Variants in SMPD2 observed in about 807,000 individuals in gnomAD.
SMPD2 encodes N-SMase.
SMPD2 carries 35 observed loss-of-function variants against 41.7 expected under a neutral mutation model. The observed-to-expected ratio is 0.84, with a 90% CI of 0.64 to 1.11. SMPD2 has a LOEUF of 1.11. Ranked by LOEUF, SMPD2 falls within the 50% of genes most tolerant of loss-of-function variation. SMPD2 has a pLI of 0.00. For synonymous variants in SMPD2, 201 were observed against 208.2 expected (o/e 0.97, Z 0.30); for missense variants, 520 against 524.8 (o/e 0.99, Z 0.09).
chr6:109,443,732 T>C lies in SMPD2; in HGVS notation c.1099T>C (p.Trp367Arg), dbSNP rs1775064463. 6.2e-7 allele frequency: 1 copy of C among 1,613,802 alleles called. No homozygotes were observed. The highest frequency in any genetic ancestry group is 8.5e-7 in the Non-Finnish European group (1 of 1,179,914). The change falls in exon 10 of 10, where the codon TGG becomes CGG. Residue 367 changes from tryptophan (W) to arginine (R), a missense_variant. Coordinates refer to ENST00000258052, the MANE Select transcript of SMPD2 (RefSeq NM_003080.3). ...GACCCCCAGTGTAGGGCTGGTGCTG[T>C]GGGCAGGTGCATTCTACCTCTTCCA... ...LWTPSVGLVL[W>R]AGAFYLFHVQ...
rs769472432 is a variant in SMPD2 at position 109,442,022 on chromosome 6, G to A, written c.273G>A (p.Gln91=). ...GTGTCTTCTCCAAACATCCAATCCA[G>A]GAGCTTACCCAGCACATCTACACTC... The part of the protein sequence containing the change: ...GLCVFSKHPI[Q]ELTQHIYTLN... The change falls in exon 4 of 10, where the codon CAG becomes CAA. Residue 91 remains glutamine (Q), a synonymous_variant. Coordinates refer to ENST00000258052, the MANE Select transcript of SMPD2 (RefSeq NM_003080.3). 1.2e-5 allele frequency: 19 copies of A among 1,613,702 alleles called. No individual in the cohort carries two copies. In the South Asian group the frequency reaches 2.0e-4, roughly 17 times the overall value.
chr6:109,441,194 G>C (rs762398333), intron 1 of SMPD2, 23 bp downstream of exon 1: 3 of 1,613,854 alleles, frequency 1.9e-6, no homozygotes, highest in East Asian at 2.2e-5. Flanking sequence ...GCGGAGTGCG[G>C]TCTGGGGGCC....
chr6:109,443,595 G>A lies in SMPD2; in HGVS notation c.962G>A (p.Arg321His), dbSNP rs555352630. The A allele has an allele frequency of 3.1e-6, 5 of 1,613,890 alleles. No individual in the cohort carries two copies. Among genetic ancestry groups the A allele is most frequent in the South Asian group, 2.2e-5 (2 of 91,086 alleles). The change falls in exon 10 of 10, where the codon CGC (arginine) becomes CAC (histidine). Residue 321 changes from arginine (R) to histidine (H), a missense_variant. Transcript: ENST00000258052. ...CTGGGTCTGGGCATGGCTCAGGCTC[G>A]CTGGTGGGCCACCTTCGCTAGCTAT... ...TELGLGMAQA[R>H]WWATFASYVI...
chr6:109,443,286 T>C lies in SMPD2; in HGVS notation c.749T>C (p.Ile250Thr), dbSNP rs1554224273. The C allele has an allele frequency of 6.2e-7, 1 of 1,614,128 alleles. No individual in the cohort carries two copies. Among genetic ancestry groups the C allele is most frequent in the Non-Finnish European group, 8.5e-7 (1 of 1,180,000 alleles). ...TCCTAGGCAGTTTCTGGGTTTTACA[T>C]CTCCTGTAAGAGTTTTGAAACCACT... ...VLYKAVSGFY[I>T]SCKSFETTTG... Residue 250 changes from isoleucine to threonine, a missense_variant, in exon 9 of 10, where the codon ATC (isoleucine) becomes ACC (threonine). Coordinates refer to ENST00000258052, the MANE Select transcript of SMPD2 (RefSeq NM_003080.3).
Position 109,443,422 on chromosome 6 carries a change from T to C in SMPD2, c.883+2T>C. Reference sequence around the variant, plus strand: ...AGCAGAACCCCAGCTCTACCCACGGTGAGTCACCCCCACCCTTTCCTTGGC... The same window carrying C: ...AGCAGAACCCCAGCTCTACCCACGGCGAGTCACCCCCACCCTTTCCTTGGC... On this transcript the variant is annotated splice_donor_variant, in intron 9 of 9. Transcript: ENST00000258052. LOFTEE classifies it high-confidence loss of function. The C allele has an allele frequency of 6.2e-7, 1 of 1,613,576 alleles. No individual in the cohort carries two copies. Among genetic ancestry groups the C allele is most frequent in the Non-Finnish European group, 8.5e-7 (1 of 1,179,634 alleles).
rs376653763 is a variant in SMPD2 at position 109,441,922 on chromosome 6, G to A, written c.225-52G>A. 1,140 of 1,500,982 alleles carry A rather than the reference G, an allele frequency of 7.6e-4. 1 individual carries two copies. The highest frequency in any genetic ancestry group is 1.0e-3 in the Non-Finnish European group (1,074 of 1,076,750). The allele number at this position is 1,500,982 out of a possible 1,614,324, so 93.0% of individuals were successfully genotyped here. A position where few individuals can be genotyped will look rare whatever the true frequency, so the allele number is the denominator to read the frequency against. ...CTGGAAGACAAGGGAGGGGAAGAAGGCTGGGTGTCTCTCCCTGTTTTTCTG... is the reference window on the plus strand; with the variant it reads ...CTGGAAGACAAGGGAGGGGAAGAAGACTGGGTGTCTCTCCCTGTTTTTCTG... On this transcript the variant is annotated intron_variant, in intron 3 of 9. Coordinates refer to ENST00000258052, the MANE Select transcript of SMPD2 (RefSeq NM_003080.3).
Position 109,440,856 on chromosome 6 carries a change from G to A in SMPD2, c.-266G>A, listed in dbSNP as rs936634172. The A allele has an allele frequency of 7.8e-6, 4 of 510,370 alleles. No homozygotes were observed. Among genetic ancestry groups the A allele is most frequent in the Admixed American group, 7.8e-5 (2 of 25,494 alleles). The allele number at this position is 510,370 out of a possible 1,614,324, so 31.6% of individuals were successfully genotyped here. A position where few individuals can be genotyped will look rare whatever the true frequency, so the allele number is the denominator to read the frequency against. ...CCGGACCCCCAGGGTCCTAGCGCGC[G>A]GCCCTTACCGAGCCTGGGCGCCCGG... On this transcript the variant is annotated 5_prime_UTR_variant, in exon 1 of 10. Coordinates refer to ENST00000258052, the MANE Select transcript of SMPD2 (RefSeq NM_003080.3).
At position 109,443,629 on chromosome 6, in the gene SMPD2, C is replaced by T. The variant is rs375995056; in HGVS notation, c.996C>T (p.Gly332=). The T allele has an allele frequency of 6.2e-6, 10 of 1,613,800 alleles. No homozygotes were observed. The highest frequency in any genetic ancestry group is 5.0e-5 in the Admixed American group (3 of 60,006). Residue 332 remains glycine, a synonymous_variant, in exon 10 of 10, where the codon GGC becomes GGT. Transcript: ENST00000258052. ...CCACCTTCGCTAGCTATGTGATTGG[C>T]CTGGGGCTGCTTCTCCTGGCACTGC... ...WWATFASYVI[G]LGLLLLALLC... is the part of the protein sequence containing the mutation.
rs760025551 is a variant in SMPD2 at position 109,442,235 on chromosome 6, G to A, written c.344G>A (p.Gly115Glu). Residue 115 changes from glycine to glutamate, a missense_variant, in exon 5 of 10, where the codon GGG becomes GAG. Physicochemically the swap from Gly to Glu is moderately conservative, Grantham distance 98. Transcript: ENST00000258052. Reference protein sequence around the residue: ...YMIHHGDWFSGKAVGLLVLHL... With the variant: ...YMIHHGDWFSEKAVGLLVLHL... ...ATCCATCATGGTGACTGGTTCAGTG[G>A]GAAGGCTGTGGGGCTGCTGGTGCTC... 1.1e-5 allele frequency: 18 copies of A among 1,614,106 alleles called. No individual in the cohort carries two copies. Among genetic ancestry groups the A allele is most frequent in the Non-Finnish European group, 1.4e-5 (17 of 1,180,042 alleles).
rs1380495375 is a variant in SMPD2 at position 109,443,601 on chromosome 6, G to T, written c.968G>T (p.Trp323Leu). ...LGLGMAQARW[W>L]ATFASYVIGL... ...CTGGGCATGGCTCAGGCTCGCTGGT[G>T]GGCCACCTTCGCTAGCTATGTGATT... Residue 323 changes from tryptophan (W) to leucine (L), a missense_variant, in exon 10 of 10, where the codon TGG becomes TTG. Coordinates refer to ENST00000258052, the MANE Select transcript of SMPD2 (RefSeq NM_003080.3). The T allele has an allele frequency of 1.2e-6, 2 of 1,613,906 alleles. No individual in the cohort carries two copies. The highest frequency in any genetic ancestry group is 1.7e-6 in the Non-Finnish European group (2 of 1,180,002).
At position 109,441,635 on chromosome 6, in the gene SMPD2, A is replaced by G. The variant is rs1562281266; in HGVS notation, c.224+7A>G. 3.7e-6 allele frequency: 6 copies of G among 1,613,858 alleles called. No individual in the cohort carries two copies. The highest frequency in any genetic ancestry group is 4.2e-6 in the Non-Finnish European group (5 of 1,179,720). On this transcript the variant is annotated splice_region_variant and intron_variant, in intron 3 of 9. Transcript: ENST00000258052. ...CTGCACACCACTTCCGGAGGTGAGA[A>G]GCCCACTGGCCTGAAGCCTGTTGTC...
chr6:109,443,695 C>G lies in SMPD2; in HGVS notation c.1062C>G (p.Ala354=). 1 of 1,614,028 alleles carries G rather than the reference C, an allele frequency of 6.2e-7. No individual in the cohort carries two copies. Among genetic ancestry groups the G allele is most frequent in the Non-Finnish European group, 8.5e-7 (1 of 1,179,904 alleles). Residue 354 remains alanine, a synonymous_variant, in exon 10 of 10, where the codon GCC becomes GCG. Coordinates refer to ENST00000258052, the MANE Select transcript of SMPD2 (RefSeq NM_003080.3). The part of the protein sequence containing the change: ...LAAGGGAGEA[A]ILLWTPSVGL... The stretch of plus-strand genomic sequence containing the variant: ...CTGGAGGAGGGGCCGGGGAAGCTGC[C>G]ATACTGCTCTGGACCCCCAGTGTAG...
Position 109,441,380 on chromosome 6 carries a change from A to C in SMPD2, c.74A>C (p.His25Pro). Residue 25 changes from histidine to proline, a missense_variant, in exon 2 of 10, where the codon CAC becomes CCC. Transcript: ENST00000258052. The stretch of plus-strand genomic sequence containing the variant: ...AGGGGCATTCCGTACTTGAGCAAGC[A>C]CCGGGCCGACCGCATGAGGCGCCTG... ...NCWGIPYLSKHRADRMRRLGD... is the reference protein window; with the variant it reads ...NCWGIPYLSKPRADRMRRLGD... 6.2e-7 allele frequency: 1 copy of C among 1,614,038 alleles called. No individual in the cohort carries two copies. Among genetic ancestry groups the C allele is most frequent in the Non-Finnish European group, 8.5e-7 (1 of 1,179,940 alleles).
At position 109,440,959 on chromosome 6, in the gene SMPD2, G is replaced by A. The variant is rs568198378; in HGVS notation, c.-163G>A. On this transcript the variant is annotated 5_prime_UTR_variant, in exon 1 of 10. Transcript: ENST00000258052. ...GCCGGCCGGTTGCCGGGGGAACGCG[G>A]GAGTCGGGCCCGACCTGAGCCACGC... 4 of 645,806 alleles carry A rather than the reference G, an allele frequency of 6.2e-6. No homozygotes were observed. Among genetic ancestry groups the A allele is most frequent in the East Asian group, 6.0e-5 (2 of 33,226 alleles). The allele number at this position is 645,806 out of a possible 1,614,324, so 40.0% of individuals were successfully genotyped here.
chr6:109,441,252 C>T, intron 1 of SMPD2, 81 bp downstream of exon 1: 5 of 1,593,294 alleles, frequency 3.1e-6, no homozygotes, highest in Non-Finnish European at 4.3e-6. Flanking sequence ...TCCCGCCCCA[C>T]GATCTCAGGG....
At chr6:109,443,155 C>G (rs929933145) in intron 8 of SMPD2, 74 bp downstream of exon 8, 2 of 1,459,300 alleles carry the variant, frequency 1.4e-6, no homozygotes, top group African/African-American at 1.6e-5. Context: ...ATCCTTTGCT[C>G]AGCTAGTCTA....
rs778919937 is a variant in SMPD2, at chr6:109,442,285, G to A, written c.394G>A (p.Ala132Thr). The stretch of plus-strand genomic sequence containing the variant: ...CCATCTAAGTGGCATGGTGCTCAAC[G>A]CCTATGTGACCCATGTGAGTGAAGC... ...VLHLSGMVLN[A>T]YVTHLHAEYN... The change falls in exon 5 of 10, where the codon GCC (alanine) becomes ACC (threonine). Residue 132 changes from alanine to threonine, a missense_variant. Physicochemically the swap from Ala to Thr is moderately conservative, Grantham distance 58. Transcript: ENST00000258052. The A allele has an allele frequency of 7.1e-5, 115 of 1,613,992 alleles. No individual in the cohort carries two copies. The East Asian group carries it at 7.1e-4, about 10-fold the overall frequency.
chr6:109,443,120 T>C (rs775623372), intron 8 of SMPD2, 39 bp downstream of exon 8: 2 of 1,570,528 alleles, frequency 1.3e-6, no homozygotes, highest in South Asian at 2.2e-5. Context: ...ATATGCTGTG[T>C]CTCTTTGTCT....
Position 109,441,522 on chromosome 6 carries a change from C to T in SMPD2, c.148-30C>T, listed in dbSNP as rs761457883. 5.0e-6 allele frequency: 8 copies of T among 1,613,544 alleles called. No homozygotes were observed. In the South Asian group the frequency reaches 7.7e-5, roughly 16 times the overall value. On this transcript the variant is annotated intron_variant, in intron 2 of 9. Coordinates refer to ENST00000258052, the MANE Select transcript of SMPD2 (RefSeq NM_003080.3). The stretch of plus-strand genomic sequence containing the variant: ...GACAGACCGTCCCACTGGGGAAAGA[C>T]CAAGCAGGCATCCTCACCGCTTCCC...
Sources: allele counts gnomAD v4.1 joint callset, GRCh38; gene constraint gnomAD v4.1.1; transcripts MANE v1.5; gene names NCBI Gene and HGNC (gene_info 2026-07-23, HGNC 2026-07-21).